Variants in ZNF99 observed in about 807,000 individuals in gnomAD.
The protein encoded by ZNF99 is zinc finger protein 99.
Under a neutral mutation model 12.8 loss-of-function variants are expected in ZNF99, and 8 were observed. The observed-to-expected ratio is 0.62, with a 90% confidence interval of 0.37 to 1.13. ZNF99 has a LOEUF of 1.13. Ranked by LOEUF, ZNF99 falls within the 50% of genes most tolerant of loss-of-function variation. The pLI, the probability that ZNF99 is intolerant of heterozygous loss-of-function variation, is 0.02. For missense variants in ZNF99, 1,007 were observed against 1,006.2 expected (o/e 1.00, Z -0.01); for synonymous variants, 318 against 319.0 (o/e 1.00, Z 0.03).
intron 1 of ZNF99, among the ~76,000 whole-genome samples, chr19:22,776,616 CT>C (rs1243430322): frequency 6.6e-6 from 1 of 150,794 alleles, no homozygotes; most frequent in Non-Finnish European, 1.5e-5. Flanking sequence ...GTATGCGCTG[CT>C]GCTAGGAGTG....
chr19:22,759,631 T>C lies in ZNF99; in HGVS notation c.278A>G (p.Asp93Gly), dbSNP rs1436529278. 6.3e-7 allele frequency: 1 copy of C among 1,591,600 alleles called. No homozygotes were observed. Among genetic ancestry groups the C allele is most frequent in the Non-Finnish European group, 8.5e-7 (1 of 1,173,000 alleles). Residue 93 changes from aspartate (D) to glycine (G), a missense_variant, in exon 4 of 4, where the codon GAT (aspartate) becomes GGT (glycine). Transcript: ENST00000596209. ...QDFWPDQSIK[D>G]SFQEIILRTY... ...TCTCAATATTATTTCTTGGAAAGAA[T>C]CTTTTATGCTCTGATCTGGCCAAAA...
intron 1 of ZNF99, among the ~76,000 whole-genome samples, chr19:22,781,028 T>A (rs1212748361): frequency 1.3e-5 from 2 of 152,050 alleles, no homozygotes. Context: ...CCAGAGAAAA[T>A]TCCTAAAGTC....
rs950367970 is a variant in ZNF99 at position 22,756,142 on chromosome 19, A to C, written c.*1172T>G. On this transcript the variant is annotated 3_prime_UTR_variant, in exon 4 of 4. Coordinates refer to ENST00000596209, the MANE Select transcript of ZNF99 (RefSeq NM_001080409.3). ...ATATGGAGGGTCTGTCTCTAGTATAAATTATCTTATGTGTATTAAGGTTTG... is the reference window on the plus strand; with the variant it reads ...ATATGGAGGGTCTGTCTCTAGTATACATTATCTTATGTGTATTAAGGTTTG... 1.3e-6 allele frequency: 2 copies of C among 1,503,738 alleles called. No individual in the cohort carries two copies. The highest frequency in any genetic ancestry group is 1.8e-6 in the Non-Finnish European group (2 of 1,115,062). The allele number at this position is 1,503,738 out of a possible 1,614,324, so 93.1% of individuals were successfully genotyped here. A position where few individuals can be genotyped will look rare whatever the true frequency, so the allele number is the denominator to read the frequency against.
At chr19:22,774,745 C>T (rs990461759) in intron 1 of ZNF99, among the ~76,000 whole-genome samples, 3 of 152,134 alleles carry the variant, frequency 2.0e-5, no homozygotes, top group African/African-American at 7.2e-5. Context: ...TGGTGGGCGC[C>T]TGTAATCTCA....
intron 1 of ZNF99, among the ~76,000 whole-genome samples, chr19:22,781,403 C>CTTTTTTTTTTTTT (rs35970718): frequency 4.3e-4 from 38 of 87,934 alleles, no homozygotes; most frequent in East Asian, 1.6e-3. Context: ...ATTGGGGTCA[C>CTTTTTTTTTTTTT]TTTTTTTTTT....
rs1697975760 is a variant in ZNF99, at chr19:22,758,139, C to T, written c.1770G>A (p.Glu590=). 3 of 1,613,570 alleles carry T rather than the reference C, an allele frequency of 1.9e-6. No homozygotes were observed. The highest frequency in any genetic ancestry group is 8.5e-7 in the Non-Finnish European group (1 of 1,179,700). The change falls in exon 4 of 4, where the codon GAG becomes GAA. Residue 590 remains glutamate, a synonymous_variant. Transcript: ENST00000596209. Reference sequence around the variant, plus strand: ...CACATTCTTCACATTTGTAGGGTTTCTCCCCAGTATGAATTGCTTTATGTC... The same window carrying T: ...CACATTCTTCACATTTGTAGGGTTTTTCCCCAGTATGAATTGCTTTATGTC... ...LTRHKAIHTG[E]KPYKCEECGK...
At chr19:22,780,260 T>C (rs568486434) in intron 1 of ZNF99, among the ~76,000 whole-genome samples, 33 of 152,272 alleles carry the variant, frequency 2.2e-4, no homozygotes, top group African/African-American at 7.9e-4. Context: ...GTTCGAAAAA[T>C]TCAGTGCAAT....
chr19:22,769,116 A>G, intron 2 of ZNF99, 82 bp downstream of exon 2: 1 of 1,461,982 alleles, frequency 6.8e-7, no homozygotes, highest in Non-Finnish European at 9.2e-7. Context: ...GCTAAGCATA[A>G]ATCACCAAAA....
chr19:22,773,180 T>C (rs2037130164), intron 1 of ZNF99, among the ~76,000 whole-genome samples: 1 of 152,230 alleles, frequency 6.6e-6, no homozygotes, highest in Non-Finnish European at 1.5e-5. Context: ...AGCACAATTG[T>C]GAGTTGAATG....
chr19:22,764,797 T>C (rs1599444236), intron 3 of ZNF99, among the ~76,000 whole-genome samples: 1 of 152,094 alleles, frequency 6.6e-6, no homozygotes, highest in Admixed American at 6.6e-5. Flanking sequence ...ACCTTACTCA[T>C]GCAAGAATGG....
chr19:22,756,520 C>T lies in ZNF99; in HGVS notation c.*794G>A. ...GCGTGAGAAATGGCTAAAAGCTTTGCCACGTTCTTCACATTTGTAGGGTTT... is the reference window on the plus strand; with the variant it reads ...GCGTGAGAAATGGCTAAAAGCTTTGTCACGTTCTTCACATTTGTAGGGTTT... On this transcript the variant is annotated 3_prime_UTR_variant, in exon 4 of 4. Transcript: ENST00000596209. The T allele has an allele frequency of 6.3e-7, 1 of 1,595,676 alleles. No homozygotes were observed. The highest frequency in any genetic ancestry group is 2.3e-5 in the East Asian group (1 of 44,192).
At chr19:22,765,666 T>TC (rs1218009209) in intron 3 of ZNF99, among the ~76,000 whole-genome samples, 33 of 150,262 alleles carry the variant, frequency 2.2e-4, no homozygotes, top group Non-Finnish European at 1.5e-5. Flanking sequence ...AGGGTGTTCA[T>TC]CACCACTAGC....
At chr19:22,774,488 C>A (rs897280480) in intron 1 of ZNF99, 8 of 152,204 alleles carry the variant, frequency 5.3e-5, no homozygotes, top group African/African-American at 1.9e-4. Context: ...ACATAGCTAA[C>A]TAAAGAGCTA....
chr19:22,779,512 G>A (rs34085282), intron 1 of ZNF99, among the ~76,000 whole-genome samples: 2 of 151,952 alleles, frequency 1.3e-5, no homozygotes, highest in Admixed American at 6.6e-5. Flanking sequence ...GCAACAGAGT[G>A]AGACTCTGTC....
intron 3 of ZNF99, among the ~76,000 whole-genome samples, chr19:22,761,204 G>A (rs145001395): frequency 1.3e-4 from 20 of 152,048 alleles, no homozygotes; most frequent in African/African-American, 4.8e-4. Context: ...TAGGAACACA[G>A]ACCACTATAA....
chr19:22,754,678 G>T lies in ZNF99; in HGVS notation c.*2636C>A. On this transcript the variant is annotated 3_prime_UTR_variant, in exon 4 of 4. Coordinates refer to ENST00000596209, the MANE Select transcript of ZNF99 (RefSeq NM_001080409.3). ...TATTTGTAGGGCTAGTTTCCATTAT[G>T]AATTATCTTATGTTCAGTAAGGTTT... 1 of 320,780 alleles carries T rather than the reference G, an allele frequency of 3.1e-6. No individual in the cohort carries two copies. The highest frequency in any genetic ancestry group is 2.7e-5 in the South Asian group (1 of 36,434). 19.9% of individuals were successfully genotyped at this position (320,780 alleles called of 1,614,324 possible).
At position 22,757,642 on chromosome 19, in the gene ZNF99, G is replaced by A. The variant is rs1450091904; in HGVS notation, c.2267C>T (p.Thr756Ile). ...SKLTVHKVIHTAEKPCKCEEC... is the reference protein window; with the variant it reads ...SKLTVHKVIHIAEKPCKCEEC... ...TTCACATTTGCAGGGTTTCTCTGCA[G>A]TATGAATTACCTTATGTACAGTAAG... Residue 756 changes from threonine (T) to isoleucine (I), a missense_variant, in exon 4 of 4, where the codon ACT (threonine) becomes ATT (isoleucine). Physicochemically the swap from Thr to Ile is moderately conservative, Grantham distance 89 (BLOSUM62 -1). Coordinates refer to ENST00000596209, the MANE Select transcript of ZNF99 (RefSeq NM_001080409.3). 1.8e-5 allele frequency: 29 copies of A among 1,610,330 alleles called. No individual in the cohort carries two copies. The highest frequency in any genetic ancestry group is 2.2e-5 in the Non-Finnish European group (26 of 1,179,398).
At chr19:22,766,851 A>C (rs1377494356) in intron 3 of ZNF99, among the ~76,000 whole-genome samples, 1 of 149,644 alleles carries the variant, frequency 6.7e-6, no homozygotes, top group East Asian at 2.0e-4. Flanking sequence ...GGGTTTCTCC[A>C]TGTTGGTCAG....
chr19:22,778,979 C>A (rs575347016), intron 1 of ZNF99, among the ~76,000 whole-genome samples: 1 of 151,232 alleles, frequency 6.6e-6, no homozygotes, highest in Non-Finnish European at 1.5e-5. Context: ...TGCACTCAAG[C>A]CTGGGCAACA....
Sources: allele counts gnomAD v4.1 joint callset (sites outside exome capture counted in the v4.1 genomes callset), GRCh38; gene constraint gnomAD v4.1.1; transcripts MANE v1.5; gene names NCBI Gene and HGNC (gene_info 2026-07-23, HGNC 2026-07-21).